The following ZNF790 variants were observed in gnomAD, a reference collection of about 807,000 sequenced individuals.
The protein encoded by ZNF790 is zinc finger protein 790.
ZNF790 carries 8 observed loss-of-function variants against 12.1 expected under a neutral mutation model. The ratio of observed to expected loss-of-function variants is 0.66; its 90% CI spans 0.39 to 1.19. The LOEUF (loss-of-function observed/expected upper bound fraction) is 1.19. Ranked by LOEUF, ZNF790 falls within the 50% of genes most tolerant of loss-of-function variation. The pLI is 0.01. For synonymous variants in ZNF790, 252 were observed against 244.3 expected (o/e 1.03, Z -0.29); for missense variants, 707 against 752.2 (o/e 0.94, Z 0.70).
At position 36,819,931 on chromosome 19, in the gene ZNF790, A is replaced by T. The variant is rs762317975; in HGVS notation, c.413T>A (p.Phe138Tyr). The T allele has an allele frequency of 6.2e-7, 1 of 1,614,118 alleles. No homozygotes were observed. The highest frequency in any genetic ancestry group is 1.1e-5 in the South Asian group (1 of 91,080). ...QTLQDNQEEC[F>Y]KQVIRTCEKR... is the part of the protein sequence containing the mutation. ...TTCACAGGTGCGTATCACCTGCTTGAAGCATTCCTCTTGATTATCTTGAAG... is the reference window on the plus strand; with the variant it reads ...TTCACAGGTGCGTATCACCTGCTTGTAGCATTCCTCTTGATTATCTTGAAG... The change falls in exon 5 of 5, where the codon TTC becomes TAC. Residue 138 changes from phenylalanine to tyrosine, a missense_variant. Transcript: ENST00000356725.
rs369671729 is a variant in ZNF790 at position 36,827,141 on chromosome 19, CATATATATATATAT to C, written c.-73-1463_-73-1450del. On this transcript the variant is annotated intron_variant, in intron 1 of 4. Transcript: ENST00000356725. ...ATACACACACACACACACACACACA[CATATATATATATAT>C]ATATATATATATATATATATATACA... Among the ~76,000 whole-genome samples, 563 of 84,454 alleles carry C rather than the reference CATATATATATATAT, an allele frequency of 6.7e-3. 14 individuals carry two copies. Among genetic ancestry groups the C allele is most frequent in the African/African-American group, 0.029 (521 of 18,186 alleles). The allele number at this position is 84,454 out of a possible 152,430, so 55.4% of individuals were successfully genotyped here. A position where few individuals can be genotyped will look rare whatever the true frequency, so the allele number is the denominator to read the frequency against.
chr19:36,834,856 TACAA>T (rs907131492), intron 1 of ZNF790, among the ~76,000 whole-genome samples: 1 of 151,978 alleles, frequency 6.6e-6, no homozygotes, highest in African/African-American at 2.4e-5. Flanking sequence ...ACAAGGCAAA[TACAA>T]ACAAAAAAAT....
chr19:36,842,731 C>T (rs918749947), upstream of ZNF790, among the ~76,000 whole-genome samples: 8 of 150,764 alleles, frequency 5.3e-5, no homozygotes, highest in African/African-American at 1.7e-4. Flanking sequence ...AGGGGCTGGG[C>T]GCGGTGGCTC....
rs571283723 is a variant in ZNF790, at chr19:36,822,274, TAAA to T, written c.229+1008_229+1010del. Among the ~76,000 whole-genome samples the T allele has an allele frequency of 3.9e-5, 6 of 152,084 alleles. No homozygotes were observed. In the East Asian group the frequency reaches 1.2e-3, roughly 29 times the overall value. Reference sequence around the variant, plus strand: ...GATGGGTAAAATAAAAAAATGAGGTTAAAAAAATTTTTTTAACTGAATGAAGAA... The same window carrying T: ...GATGGGTAAAATAAAAAAATGAGGTTAAAATTTTTTTAACTGAATGAAGAA... On this transcript the variant is annotated intron_variant, in intron 4 of 4. Transcript: ENST00000356725.
At chr19:36,849,799 G>GCC in intron 1 of ZNF790, among the ~76,000 whole-genome samples, 1 of 150,418 alleles carries the variant, frequency 6.6e-6, no homozygotes, top group Admixed American at 6.7e-5. Context: ...ACACGATCTT[G>GCC]CCCCCCCCAC....
chr19:36,844,972 C>T (rs865981224), intron 1 of ZNF790, among the ~76,000 whole-genome samples: 118 of 124,136 alleles, frequency 9.5e-4, no homozygotes, highest in Admixed American at 1.4e-3. Flanking sequence ...GGCGTGAACC[C>T]GGGAGGCGGA....
chr19:36,823,252 T>C, intron 4 of ZNF790, 33 bp downstream of exon 4: 1 of 1,573,362 alleles, frequency 6.4e-7, no homozygotes, highest in South Asian at 1.1e-5. Context: ...TCCACAACAA[T>C]GGCCTCCTTG....
upstream of ZNF790, among the ~76,000 whole-genome samples, chr19:36,840,909 G>A (rs530987418): frequency 1.1e-4 from 17 of 152,188 alleles, no homozygotes; most frequent in Non-Finnish European, 2.2e-4. Context: ...CTCCCCAGGA[G>A]CTTGAGGCTG....
Position 36,823,745 on chromosome 19 carries a change from ACTC to A in ZNF790, c.52_54del (p.Glu18del), listed in dbSNP as rs752027752. The A allele has an allele frequency of 1.9e-6, 3 of 1,612,914 alleles. No homozygotes were observed. Among genetic ancestry groups the A allele is most frequent in the East Asian group, 2.2e-5 (1 of 44,856 alleles). ...CTCTGTTCCAGGTCCAGGCACTCCC[ACTC>A]CTCCTGAGAGAAATCTACAGCCACA... is the stretch of plus-strand genomic sequence containing the variant. On this transcript the variant is annotated inframe_deletion, in exon 3 of 5. Coordinates refer to ENST00000356725, the MANE Select transcript of ZNF790 (RefSeq NM_206894.4).
In ZNF790 at chr19:36,819,330, A is replaced by G. The variant is rs1294689180; in HGVS notation, c.1014T>C (p.Tyr338=). ...AAGCTTTCCCACACTCCTTACATTC[A>G]TAAGGTTTTTCACCAGTGTGAATTC... ...HQRIHTGEKP[Y]ECKECGKAFT... Residue 338 remains tyrosine, a synonymous_variant, in exon 5 of 5, where the codon TAT becomes TAC. Coordinates refer to ENST00000356725, the MANE Select transcript of ZNF790 (RefSeq NM_206894.4). 14 of 1,612,084 alleles carry G rather than the reference A, an allele frequency of 8.7e-6. No homozygotes were observed. The highest frequency in any genetic ancestry group is 1.2e-5 in the Non-Finnish European group (14 of 1,178,906).
intron 4 of ZNF790, among the ~76,000 whole-genome samples, chr19:36,821,690 TCTC>T (rs1382155813): frequency 6.6e-6 from 1 of 152,074 alleles, no homozygotes; most frequent in Non-Finnish European, 1.5e-5. Context: ...TTCAAGCGAT[TCTC>T]CTGCCTCAGC....
Position 36,838,117 on chromosome 19 carries a change from CACACACACACAT to C in ZNF790, c.-74+208_-74+219del, listed in dbSNP as rs950949737. On this transcript the variant is annotated intron_variant, in intron 1 of 4. Transcript: ENST00000356725. This position sits in a 1 kb window ranked among gnomAD's most constrained non-coding sequence, Gnocchi z 4.4. ...GTGTGCGCGTGCGCGCACACACACA[CACACACACACAT>C]ACACACACACACACACAAGCTCCCG... 0.033 allele frequency: 3,463 copies of C among 104,418 alleles called. 63 individuals carry two copies. The highest frequency in any genetic ancestry group is 0.13 in the South Asian group (347 of 2,726). The allele number at this position is 104,418 out of a possible 1,614,324, so 6.5% of individuals were successfully genotyped here.
At chr19:36,844,848 A>G (rs2072162791) in intron 1 of ZNF790, among the ~76,000 whole-genome samples, 3 of 151,324 alleles carry the variant, frequency 2.0e-5, no homozygotes, top group Admixed American at 2.0e-4. Flanking sequence ...GGAGATCGAG[A>G]CCATCCCGGC....
intron 1 of ZNF790, among the ~76,000 whole-genome samples, chr19:36,837,343 G>T (rs1039698222): frequency 2.0e-5 from 3 of 152,158 alleles, no homozygotes; most frequent in African/African-American, 7.2e-5. Flanking sequence ...GTATCTGGAG[G>T]ACTCTGCAGC....
intron 1 of ZNF790, chr19:36,849,999 C>T (rs2072229615): frequency 6.6e-6 from 1 of 152,532 alleles, no homozygotes; most frequent in South Asian, 2.1e-4. Context: ...TGCCCAGTCT[C>T]ACATGCATGA....
At position 36,823,589 on chromosome 19, in the gene ZNF790, A is replaced by G. The variant is rs188387555; in HGVS notation, c.133+78T>C. 274 of 1,554,836 alleles carry G rather than the reference A, an allele frequency of 1.8e-4. No homozygotes were observed. In the African/African-American group the frequency reaches 1.8e-3, roughly 10 times the overall value. On this transcript the variant is annotated intron_variant, in intron 3 of 4. Transcript: ENST00000356725. Reference sequence around the variant, plus strand: ...TTCTAAAAAACAAAGGTCAGAAGTTACCCTGGACATTTAAAAGACAATAAA... The same window carrying G: ...TTCTAAAAAACAAAGGTCAGAAGTTGCCCTGGACATTTAAAAGACAATAAA...
chr19:36,819,050 T>G lies in ZNF790; in HGVS notation c.1294A>C (p.Thr432Pro), dbSNP rs567041930. ...TGTTGAGCAAGATACGAAGCCCAAGTAAAAGTCTTCCCGCATTGCTTACAT... is the reference window on the plus strand; with the variant it reads ...TGTTGAGCAAGATACGAAGCCCAAGGAAAAGTCTTCCCGCATTGCTTACAT... ...YECKQCGKTF[T>P]WASYLAQHEK... Residue 432 changes from threonine to proline, a missense_variant, in exon 5 of 5, where the codon ACT (threonine) becomes CCT (proline). Coordinates refer to ENST00000356725, the MANE Select transcript of ZNF790 (RefSeq NM_206894.4). The G allele has an allele frequency of 3.1e-6, 5 of 1,613,958 alleles. No individual in the cohort carries two copies. Among genetic ancestry groups the G allele is most frequent in the South Asian group, 1.1e-5 (1 of 91,076 alleles).
intron 4 of ZNF790, 69 bp from the exon 5 acceptor site, chr19:36,820,183 A>G (rs2071637432): frequency 6.8e-7 from 1 of 1,466,686 alleles, no homozygotes. Context: ...TCTAAAATAG[A>G]TATAGAAAAT....
chr19:36,823,755 A>T lies in ZNF790; in HGVS notation c.45T>A (p.Ser15=). ...GGTCCAGGCACTCCCACTCCTCCTG[A>T]GAGAAATCTACAGCCACATCCCTGA... ...MMFRDVAVDF[S]QEEWECLDLE... The change falls in exon 3 of 5, where the codon TCT becomes TCA. Residue 15 remains serine, a synonymous_variant. Coordinates refer to ENST00000356725, the MANE Select transcript of ZNF790 (RefSeq NM_206894.4). The T allele has an allele frequency of 6.2e-7, 1 of 1,613,044 alleles. No individual in the cohort carries two copies. The highest frequency in any genetic ancestry group is 8.5e-7 in the Non-Finnish European group (1 of 1,179,668).
Sources: gnomAD v4.1 joint callset for allele counts (sites outside exome capture counted in the v4.1 genomes callset) on GRCh38, gnomAD v4.1.1 for gene constraint, Gnocchi (gnomAD v3.1) non-coding constraint, MANE v1.5 for transcripts, NCBI Gene and HGNC (gene_info 2026-07-23, HGNC 2026-07-21) for gene names.